ADAMTS12: variants seen among roughly 807,000 people sequenced by gnomAD.
ADAMTS12 encodes the protein A disintegrin and metalloproteinase with thrombospondin motifs 12.
A neutral mutation model predicts 167.8 loss-of-function variants in ADAMTS12; 118 were observed. The ratio of observed to expected loss-of-function variants is 0.70; its 90% CI spans 0.61 to 0.82. ADAMTS12 has a LOEUF of 0.82. ADAMTS12 is among the 40% of genes least tolerant of loss of function. ADAMTS12 has a pLI of 0.00. For synonymous variants in ADAMTS12, 704 were observed against 716.9 expected (o/e 0.98, Z 0.29); for missense variants, 1,916 against 1,998.8 (o/e 0.96, Z 0.79).
Position 33,549,402 on chromosome 5 carries a change from C to A in ADAMTS12, c.4126-19G>T. 6.3e-7 allele frequency: 1 copy of A among 1,599,560 alleles called. No homozygotes were observed. Among genetic ancestry groups the A allele is most frequent in the South Asian group, 1.1e-5 (1 of 90,388 alleles). ...TGGAGCACTGTATGGAGAGAAAAAT[C>A]AAAGGCGATCTCTGAGTCATTGGCA... On this transcript the variant is annotated intron_variant, in intron 20 of 23. Transcript: ENST00000504830.
intron 16 of ADAMTS12, among the ~76,000 whole-genome samples, chr5:33,613,830 AC>A (rs1281875516): frequency 6.6e-6 from 1 of 152,156 alleles, no homozygotes; most frequent in African/African-American, 2.4e-5. Flanking sequence ...GAGAAAGAGC[AC>A]TGGGTTAGGA....
At position 33,576,288 on chromosome 5, in the gene ADAMTS12, G is replaced by T. The variant is rs929760262; in HGVS notation, c.3738C>A (p.Asn1246Lys). The T allele has an allele frequency of 1.9e-6, 3 of 1,614,090 alleles. No homozygotes were observed. Among genetic ancestry groups the T allele is most frequent in the African/African-American group, 2.7e-5 (2 of 74,924 alleles). The stretch of plus-strand genomic sequence containing the variant: ...GGTCTCCTCCCAGAGGGAGCAGAGT[G>T]TTGGCTGGCTTTTCAGTAACCATCC... ...VEGMVTEKPA[N>K]TLLPLGGDHQ... The change falls in exon 19 of 24, where the codon AAC becomes AAA. Residue 1246 changes from asparagine (N) to lysine (K), a missense_variant. By Grantham distance (94) the Asn-to-Lys change is moderately conservative. Coordinates refer to ENST00000504830, the MANE Select transcript of ADAMTS12 (RefSeq NM_030955.4).
At chr5:33,884,162 C>G (rs905496297) in intron 1 of ADAMTS12, among the ~76,000 whole-genome samples, 1 of 152,188 alleles carries the variant, frequency 6.6e-6, no homozygotes, top group Non-Finnish European at 1.5e-5. Context: ...CACTGGGAAA[C>G]CTCTGCTCCC....
At chr5:33,780,077 T>G (rs557404252) in intron 2 of ADAMTS12, among the ~76,000 whole-genome samples, 7 of 152,176 alleles carry the variant, frequency 4.6e-5, no homozygotes, top group Non-Finnish European at 1.0e-4. Flanking sequence ...AAAAACATGT[T>G]GCATACTGTA....
At chr5:33,757,229 T>C (rs1221967363) in intron 2 of ADAMTS12, among the ~76,000 whole-genome samples, 1 of 152,186 alleles carries the variant, frequency 6.6e-6, no homozygotes, top group African/African-American at 2.4e-5. Context: ...AGCAAATACA[T>C]CAGGAGCCAG....
intron 17 of ADAMTS12, among the ~76,000 whole-genome samples, chr5:33,593,659 A>G (rs1747757854): frequency 6.6e-6 from 1 of 152,030 alleles, no homozygotes; most frequent in African/African-American, 2.4e-5. Flanking sequence ...GGAGGGGAAC[A>G]TCACACACTG....
chr5:33,825,454 T>A (rs1230648725), intron 2 of ADAMTS12, among the ~76,000 whole-genome samples: 1 of 152,140 alleles, frequency 6.6e-6, no homozygotes, highest in South Asian at 2.1e-4. Context: ...CAAAGCTGGA[T>A]GAGTGTAAGT....
chr5:33,582,351 C>T (rs1747109414), intron 18 of ADAMTS12, among the ~76,000 whole-genome samples: 3 of 152,198 alleles, frequency 2.0e-5, no homozygotes. Context: ...AAGGTCAGAA[C>T]ATCAGGTGGC....
At position 33,884,338 on chromosome 5, in the gene ADAMTS12, A is replaced by G. The variant is rs1750564800; in HGVS notation, c.128-2858T>C. 2.0e-5 allele frequency among the ~76,000 whole-genome samples: 3 copies of G among 152,156 alleles called. No homozygotes were observed. In the East Asian group the frequency reaches 5.8e-4, roughly 29 times the overall value. ...CTTCCATGAGGTCTAAATCTGGCTCAAAAGAAGCAACCATGATCGCTGACA... is the reference window on the plus strand; with the variant it reads ...CTTCCATGAGGTCTAAATCTGGCTCGAAAGAAGCAACCATGATCGCTGACA... On this transcript the variant is annotated intron_variant, in intron 1 of 23. Coordinates refer to ENST00000504830, the MANE Select transcript of ADAMTS12 (RefSeq NM_030955.4).
At chr5:33,777,012 A>G (rs997982152) in intron 2 of ADAMTS12, among the ~76,000 whole-genome samples, 3 of 152,170 alleles carry the variant, frequency 2.0e-5, no homozygotes, top group African/African-American at 4.8e-5. Context: ...AGTAGTGAAT[A>G]AGGGATTGAA....
chr5:33,789,862 A>G (rs1332478996), intron 2 of ADAMTS12, among the ~76,000 whole-genome samples: 2 of 152,142 alleles, frequency 1.3e-5, no homozygotes, highest in Non-Finnish European at 2.9e-5. Flanking sequence ...TGGACAGTTC[A>G]AGCCTGCCTC....
intron 2 of ADAMTS12, among the ~76,000 whole-genome samples, chr5:33,816,136 T>C (rs147142059): frequency 2.6e-5 from 4 of 152,310 alleles, no homozygotes; most frequent in African/African-American, 9.6e-5. Flanking sequence ...CAGATCTTTT[T>C]CTGTCTTCTG....
At chr5:33,705,507 T>C (rs949385495) in intron 3 of ADAMTS12, among the ~76,000 whole-genome samples, 14 of 152,152 alleles carry the variant, frequency 9.2e-5, no homozygotes, top group African/African-American at 3.1e-4. Flanking sequence ...GTCATTTTCT[T>C]ATATGCTAAT....
At chr5:33,529,158 T>C (rs10521004) in intron 23 of ADAMTS12, among the ~76,000 whole-genome samples, 22,052 of 152,252 alleles carry the variant, frequency 0.14, 2,081 homozygotes, top group African/African-American at 0.26. Flanking sequence ...AGGCAGAAGA[T>C]ATGTACAAAT....
At chr5:33,608,760 G>C (rs954557087) in intron 16 of ADAMTS12, among the ~76,000 whole-genome samples, 3 of 152,196 alleles carry the variant, frequency 2.0e-5, no homozygotes, top group African/African-American at 7.2e-5. Flanking sequence ...TATTAGCTTA[G>C]TCCCGGCCCT....
In ADAMTS12 at chr5:33,762,189, C is replaced by A. The variant is rs1208539829; in HGVS notation, c.490-10641G>T. Among the ~76,000 whole-genome samples the A allele has an allele frequency of 2.0e-5, 3 of 148,750 alleles. No individual in the cohort carries two copies. The East Asian group carries it at 6.0e-4, about 30-fold the overall frequency. ...CCTGGGTGACAGAGTGATAAAGATGCCGTCTCAAAAAAATAATAAAAATAA... is the reference window on the plus strand; with the variant it reads ...CCTGGGTGACAGAGTGATAAAGATGACGTCTCAAAAAAATAATAAAAATAA... On this transcript the variant is annotated intron_variant, in intron 2 of 23. Transcript: ENST00000504830.
At chr5:33,798,833 T>C (rs1175587055) in intron 2 of ADAMTS12, among the ~76,000 whole-genome samples, 1 of 152,140 alleles carries the variant, frequency 6.6e-6, no homozygotes, top group Non-Finnish European at 1.5e-5. Flanking sequence ...TGTCTCCAAA[T>C]ATAGTCACAT....
rs1740254245 is a variant in ADAMTS12, at chr5:33,637,594, A to C, written c.1871T>G (p.Phe624Cys). ...CTCCTTACCTGGGTTAAAAATGGGA[A>C]ACCAGTGGTAGAGTTCATTCTTGTA... is the stretch of plus-strand genomic sequence containing the variant. The part of the protein sequence containing the change: ...VPYKNELYHW[F>C]PIFNPAHPCE... The change falls in exon 12 of 24, where the codon TTT becomes TGT. Residue 624 changes from phenylalanine (F) to cysteine (C), a missense_variant. Transcript: ENST00000504830. The C allele has an allele frequency of 6.2e-7, 1 of 1,613,028 alleles. No individual in the cohort carries two copies. The highest frequency in any genetic ancestry group is 1.1e-5 in the South Asian group (1 of 90,932).
chr5:33,562,826 TTCACCATATTGACCAGGCTGGTC>T (rs1375701597), intron 19 of ADAMTS12, among the ~76,000 whole-genome samples: 1 of 152,126 alleles, frequency 6.6e-6, no homozygotes, highest in Non-Finnish European at 1.5e-5. Flanking sequence ...GAGACAGGGC[TTCACCATATTGACCAGGCTGGTC>T]TCAAACTCCT....
Sources: allele counts gnomAD v4.1 joint callset (sites outside exome capture counted in the v4.1 genomes callset), GRCh38; gene constraint gnomAD v4.1.1; transcripts MANE v1.5; gene names NCBI Gene and HGNC (gene_info 2026-07-23, HGNC 2026-07-21).